SSR1: variants seen among roughly 807,000 people sequenced by gnomAD.
SSR1 encodes translocon-associated protein subunit alpha.
SSR1 carries 13 observed loss-of-function variants against 36.1 expected under a neutral mutation model. The observed-to-expected ratio is 0.36, with a 90% CI of 0.23 to 0.57. The LOEUF (loss-of-function observed/expected upper bound fraction) is 0.57, where lower values mean the gene tolerates loss of function less well. Ranked by LOEUF, SSR1 falls within the 20% of genes least tolerant of loss-of-function variation. The pLI is 0.81. For missense variants in SSR1, 291 were observed against 338.5 expected (o/e 0.86, Z 1.10); for synonymous variants, 113 against 118.9 (o/e 0.95, Z 0.32).
chr6:7,282,860 C>T lies in SSR1; in HGVS notation c.*7004G>A, dbSNP rs1192214649. The T allele has an allele frequency of 6.6e-6, 1 of 152,208 alleles. No individual in the cohort carries two copies. The highest frequency in any genetic ancestry group is 1.5e-5 in the Non-Finnish European group (1 of 68,036). The allele number at this position is 152,208 out of a possible 1,614,324, so 9.4% of individuals were successfully genotyped here. On this transcript the variant is annotated 3_prime_UTR_variant, in exon 8 of 8. Coordinates refer to ENST00000244763, the MANE Select transcript of SSR1 (RefSeq NM_003144.5). ...CAGAAAAAGGCAACTTGATTATGAA[C>T]TGGATGACATATCAAATGCAAGGCC...
intron 2 of SSR1, among the ~76,000 whole-genome samples, chr6:7,308,493 G>A (rs1168598574): frequency 1.3e-5 from 2 of 152,036 alleles, no homozygotes; most frequent in Non-Finnish European, 2.9e-5. Flanking sequence ...AGTATGACAC[G>A]AAAATAGAAA....
intron 6 of SSR1, chr6:7,297,112 C>A: frequency 3.0e-6 from 1 of 337,938 alleles, no homozygotes; most frequent in Non-Finnish European, 5.8e-6. Context: ...TTCGACTACT[C>A]AGGAAGCTGA....
chr6:7,283,359 G>A lies in SSR1; in HGVS notation c.*6505C>T, dbSNP rs1035660780. The A allele has an allele frequency of 9.8e-5, 15 of 152,312 alleles. No homozygotes were observed. Among genetic ancestry groups the A allele is most frequent in the African/African-American group, 3.4e-4 (14 of 41,450 alleles). 9.4% of individuals were successfully genotyped at this position (152,312 alleles called of 1,614,324 possible). The stretch of plus-strand genomic sequence containing the variant: ...CCTCCCAGGTTTAAGCAATTCTCCT[G>A]CCTCAGCCTCCCAAGTAGCTGGGAT... On this transcript the variant is annotated 3_prime_UTR_variant, in exon 8 of 8. Coordinates refer to ENST00000244763, the MANE Select transcript of SSR1 (RefSeq NM_003144.5).
chr6:7,306,952 T>TA (rs77938603), intron 2 of SSR1, among the ~76,000 whole-genome samples: 13,758 of 132,452 alleles, frequency 0.1, 1,378 homozygotes, highest in African/African-American at 0.27. Flanking sequence ...CAAGGTGACT[T>TA]AAAAAAAAAA....
chr6:7,295,525 A>G, intron 6 of SSR1, 40 bp from the exon 7 acceptor site: 1 of 1,350,110 alleles, frequency 7.4e-7, no homozygotes, highest in Non-Finnish European at 1.0e-6. Flanking sequence ...GAGTTCCGTT[A>G]CACCATTTAC....
chr6:7,301,971 C>G (rs1355353459), intron 3 of SSR1, among the ~76,000 whole-genome samples: 1 of 152,106 alleles, frequency 6.6e-6, no homozygotes, highest in Non-Finnish European at 1.5e-5. Flanking sequence ...AAGATAAAGT[C>G]CAAGAGTTTC....
intron 4 of SSR1, among the ~76,000 whole-genome samples, 153 bp downstream of exon 4, chr6:7,301,157 G>A (rs963831655): frequency 2.0e-5 from 3 of 152,134 alleles, no homozygotes; most frequent in East Asian, 1.9e-4. Context: ...TAGACTTGAA[G>A]AAGAAACGTG....
chr6:7,289,566 A>T lies in SSR1; in HGVS notation c.*298T>A. 1 of 378,500 alleles carries T rather than the reference A, an allele frequency of 2.6e-6. No homozygotes were observed. The highest frequency in any genetic ancestry group is 4.7e-6 in the Non-Finnish European group (1 of 212,470). The allele number at this position is 378,500 out of a possible 1,614,324, so 23.4% of individuals were successfully genotyped here. On this transcript the variant is annotated 3_prime_UTR_variant, in exon 8 of 8. Transcript: ENST00000244763. Reference sequence around the variant, plus strand: ...AAGAGACAACAGCATTATATTTAGTATTCTAAAGACTTGTTTCAGGTAGTT... The same window carrying T: ...AAGAGACAACAGCATTATATTTAGTTTTCTAAAGACTTGTTTCAGGTAGTT...
chr6:7,301,262 C>T, intron 4 of SSR1, 48 bp downstream of exon 4: 2 of 1,590,970 alleles, frequency 1.3e-6, no homozygotes, highest in Non-Finnish European at 1.7e-6. Flanking sequence ...ACGTCACCGC[C>T]CCCATCCATC....
Position 7,313,109 on chromosome 6 carries a change from G to C in SSR1, c.12C>G (p.Leu4=), listed in dbSNP as rs140533508. 2.5e-6 allele frequency: 4 copies of C among 1,606,818 alleles called. No individual in the cohort carries two copies. The highest frequency in any genetic ancestry group is 3.4e-6 in the Non-Finnish European group (4 of 1,176,482). Residue 4 remains leucine (L), a synonymous_variant, in exon 1 of 8, where the codon CTC becomes CTG. Coordinates refer to ENST00000244763, the MANE Select transcript of SSR1 (RefSeq NM_003144.5). Reference sequence around the variant, plus strand: ...GTAAGAGAAGCAGCAGCAAGCGGGGGAGGAGTCTCATGGCGCTGCCGGTCC... The same window carrying C: ...GTAAGAGAAGCAGCAGCAAGCGGGGCAGGAGTCTCATGGCGCTGCCGGTCC... The part of the protein sequence containing the change: MRL[L]PRLLLLLLLV...
Position 7,285,598 on chromosome 6 carries a change from G to A in SSR1, c.*4266C>T, listed in dbSNP as rs1359638178. 1 of 152,170 alleles carries A rather than the reference G, an allele frequency of 6.6e-6. No homozygotes were observed. The highest frequency in any genetic ancestry group is 1.5e-5 in the Non-Finnish European group (1 of 68,130). The allele number at this position is 152,170 out of a possible 1,614,324, so 9.4% of individuals were successfully genotyped here. ...GAAAGCTGAAGCAGGAGAATCGCTTGAGCCCAAGAGGCAGAGGCTGCCGTG... is the reference window on the plus strand; with the variant it reads ...GAAAGCTGAAGCAGGAGAATCGCTTAAGCCCAAGAGGCAGAGGCTGCCGTG... On this transcript the variant is annotated 3_prime_UTR_variant, in exon 8 of 8. Transcript: ENST00000244763. The surrounding 1 kb of genome is among the most constrained non-coding windows in gnomAD (Gnocchi z 4.1).
chr6:7,306,904 G>A lies in SSR1; in HGVS notation c.192+3013C>T, dbSNP rs146609789. ...TGCACTCCAGCCTGGGCGACAGAGC[G>A]AGACTCTGTCTGGGTGGTGGGGGGG... On this transcript the variant is annotated intron_variant, in intron 2 of 7. Transcript: ENST00000244763. Among the ~76,000 whole-genome samples, 702 of 134,152 alleles carry A rather than the reference G, an allele frequency of 5.2e-3. 2 individuals are homozygous for A. Among genetic ancestry groups the A allele is most frequent in the Non-Finnish European group, 7.7e-3 (498 of 64,706 alleles). The allele number at this position is 134,152 out of a possible 152,430, so 88.0% of individuals were successfully genotyped here.
rs1055660488 is a variant in SSR1, at chr6:7,298,137, A to G, written c.621-136T>C. 6 of 601,996 alleles carry G rather than the reference A, an allele frequency of 1.0e-5. No homozygotes were observed. The Admixed American group carries it at 1.4e-4, about 14-fold the overall frequency. 37.3% of individuals were successfully genotyped at this position (601,996 alleles called of 1,614,324 possible). A position where few individuals can be genotyped will look rare whatever the true frequency, so the allele number is the denominator to read the frequency against. ...AAAAGGAATAAAATGCTTTGTATTC[A>G]ACTTAAATCCAGGTAGTTAAGTTTT... On this transcript the variant is annotated intron_variant, in intron 5 of 7. Transcript: ENST00000244763.
Position 7,313,109 on chromosome 6 carries a change from G to A in SSR1, c.12C>T (p.Leu4=), listed in dbSNP as rs140533508. The change falls in exon 1 of 8, where the codon CTC becomes CTT. Residue 4 remains leucine, a synonymous_variant. Coordinates refer to ENST00000244763, the MANE Select transcript of SSR1 (RefSeq NM_003144.5). MRL[L]PRLLLLLLLV... Reference sequence around the variant, plus strand: ...GTAAGAGAAGCAGCAGCAAGCGGGGGAGGAGTCTCATGGCGCTGCCGGTCC... The same window carrying A: ...GTAAGAGAAGCAGCAGCAAGCGGGGAAGGAGTCTCATGGCGCTGCCGGTCC... 8.7e-6 allele frequency: 14 copies of A among 1,606,700 alleles called. No individual in the cohort carries two copies. Among genetic ancestry groups the A allele is most frequent in the South Asian group, 3.3e-5 (3 of 90,328 alleles).
chr6:7,298,120 TA>T, intron 5 of SSR1, 119 bp from the exon 6 acceptor site: 1 of 708,128 alleles, frequency 1.4e-6, no homozygotes, highest in Non-Finnish European at 2.2e-6. Flanking sequence ...CGAAAAGGAA[TA>T]AAATGCTTTG....
At chr6:7,304,038 A>G (rs76751998) in intron 2 of SSR1, among the ~76,000 whole-genome samples, 3,688 of 152,360 alleles carry the variant, frequency 0.024, 96 homozygotes, top group African/African-American at 0.064. Flanking sequence ...GGGATTAGCA[A>G]TAAGAATTTC....
At position 7,285,678 on chromosome 6, in the gene SSR1, CAAAAAAA is replaced by C. The variant is rs61210009; in HGVS notation, c.*4179_*4185del. On this transcript the variant is annotated 3_prime_UTR_variant, in exon 8 of 8. Coordinates refer to ENST00000244763, the MANE Select transcript of SSR1 (RefSeq NM_003144.5). The surrounding 1 kb of genome is among the most constrained non-coding windows in gnomAD (Gnocchi z 4.1). ...TGGGCAATACAGTGAGACCCCATGT[CAAAAAAA>C]AAAAGAAAAAGAAAAAGAAAAAAGA... 7.2e-6 allele frequency: 1 copy of C among 139,086 alleles called. No individual in the cohort carries two copies. The highest frequency in any genetic ancestry group is 2.2e-4 in the South Asian group (1 of 4,520). The allele number at this position is 139,086 out of a possible 1,614,324, so 8.6% of individuals were successfully genotyped here.
chr6:7,312,957 G>C, intron 1 of SSR1, 85 bp downstream of exon 1: 2 of 1,370,586 alleles, frequency 1.5e-6, no homozygotes, highest in South Asian at 2.5e-5. Flanking sequence ...CCAGGACCCG[G>C]AGCGGCCACC....
intron 2 of SSR1, among the ~76,000 whole-genome samples, chr6:7,306,879 T>C (rs1275259674): frequency 1.5e-5 from 2 of 131,898 alleles, no homozygotes; most frequent in Admixed American, 7.9e-5. Flanking sequence ...TCCACGCCAC[T>C]GCACTCCAGC....
Sources: gnomAD v4.1 joint callset for allele counts (sites outside exome capture counted in the v4.1 genomes callset) on GRCh38, gnomAD v4.1.1 for gene constraint, Gnocchi (gnomAD v3.1) non-coding constraint, MANE v1.5 for transcripts, NCBI Gene and HGNC (gene_info 2026-07-23, HGNC 2026-07-21) for gene names.